The following LDLRAD3 variants were observed in gnomAD, a reference collection of about 807,000 sequenced individuals.
The protein encoded by LDLRAD3 is low density lipoprotein receptor class A domain containing 3.
In LDLRAD3, 20 loss-of-function variants were observed where a neutral mutation model predicts 29.4. The ratio of observed to expected loss-of-function variants is 0.68; its 90% CI spans 0.48 to 0.99. The LOEUF is 0.99. Among genes scored for constraint, LDLRAD3 ranks in the 50% least tolerant of loss-of-function variants. LDLRAD3 has a pLI of 0.00. For missense variants in LDLRAD3, 420 were observed against 454.3 expected (o/e 0.92, Z 0.69); for synonymous variants, 157 against 192.7 (o/e 0.81, Z 1.53).
intron 1 of LDLRAD3, among the ~76,000 whole-genome samples, chr11:35,971,764 G>A (rs1425250136): frequency 3.9e-5 from 6 of 152,182 alleles, no homozygotes; most frequent in African/African-American, 1.2e-4. Context: ...AATATTGTGG[G>A]TATTCAGAAC....
Position 36,042,889 on chromosome 11 carries a change from A to T in LDLRAD3, c.193+6640A>T, listed in dbSNP as rs182079673. Among the ~76,000 whole-genome samples, 13 of 152,348 alleles carry T rather than the reference A, an allele frequency of 8.5e-5. No homozygotes were observed. In the East Asian group the frequency reaches 2.5e-3, roughly 29 times the overall value. On this transcript the variant is annotated intron_variant, in intron 2 of 5. Coordinates refer to ENST00000315571, the MANE Select transcript of LDLRAD3 (RefSeq NM_174902.4). Reference sequence around the variant, plus strand: ...TCAACCCTGCTAACACCTTGATTTCAGACTCCTGGCCATCAGAACTGTGAG... The same window carrying T: ...TCAACCCTGCTAACACCTTGATTTCTGACTCCTGGCCATCAGAACTGTGAG...
chr11:36,054,737 G>GGATGGATGGATA (rs1322080096), intron 2 of LDLRAD3, among the ~76,000 whole-genome samples: 7 of 151,002 alleles, frequency 4.6e-5, no homozygotes, highest in African/African-American at 1.7e-4. Context: ...ATGGATGGAT[G>GGATGGATGGATA]GAAGTATGCA....
At chr11:36,081,271 C>T (rs1853109350) in intron 2 of LDLRAD3, among the ~76,000 whole-genome samples, 1 of 151,944 alleles carries the variant, frequency 6.6e-6, no homozygotes. Context: ...TGAATACTTA[C>T]TGAATGTTGA....
At position 35,944,178 on chromosome 11, in the gene LDLRAD3, G is replaced by A; in HGVS notation, c.46+34G>A. 1.1e-6 allele frequency: 1 copy of A among 928,178 alleles called. No individual in the cohort carries two copies. The highest frequency in any genetic ancestry group is 1.8e-5 in the African/African-American group (1 of 54,938). The allele number at this position is 928,178 out of a possible 1,614,324, so 57.5% of individuals were successfully genotyped here. ...GGGGGCGGCCGGCGAACTTCCCGCG[G>A]GGCGCGGGGCGCGGGGCGCGGGGCG... is the stretch of plus-strand genomic sequence containing the variant. On this transcript the variant is annotated intron_variant, in intron 1 of 5. Transcript: ENST00000315571. This position sits in a 1 kb window ranked among gnomAD's most constrained non-coding sequence, Gnocchi z 4.9.
intron 1 of LDLRAD3, among the ~76,000 whole-genome samples, chr11:36,020,562 A>G (rs1852083061): frequency 6.6e-6 from 1 of 152,222 alleles, no homozygotes. Flanking sequence ...ACATTAGAAC[A>G]CATTCCCTCC....
At chr11:35,991,863 TTGTTTG>T (rs57089973) in intron 1 of LDLRAD3, among the ~76,000 whole-genome samples, 34,037 of 103,776 alleles carry the variant, frequency 0.33, 3,984 homozygotes, top group South Asian at 0.43. Context: ...AATTGAATGG[TTGTTTG>T]TGTGTGTGTG....
chr11:36,151,707 G>C (rs1269726861), intron 4 of LDLRAD3, among the ~76,000 whole-genome samples: 1 of 152,174 alleles, frequency 6.6e-6, no homozygotes, highest in Admixed American at 6.5e-5. Flanking sequence ...CCCCAGTCCT[G>C]TCTAGTGCCA....
chr11:36,154,188 A>G (rs1360937893), intron 4 of LDLRAD3, among the ~76,000 whole-genome samples: 1 of 152,162 alleles, frequency 6.6e-6, no homozygotes, highest in Non-Finnish European at 1.5e-5. Flanking sequence ...AAGAGTCCCA[A>G]TTTTGAGCTC....
chr11:36,015,047 C>G (rs1250561285), intron 1 of LDLRAD3, among the ~76,000 whole-genome samples: 1 of 152,158 alleles, frequency 6.6e-6, no homozygotes, highest in African/African-American at 2.4e-5. Context: ...GTCCCCTACT[C>G]CCTGTTCAGA....
Position 36,066,179 on chromosome 11 carries a change from C to A in LDLRAD3, c.194-15474C>A, listed in dbSNP as rs1393380160. ...CATTTTCTTTTTTTTTTTTTTCTTA[C>A]TTTTTTCTACTGCTTGTTAGGAGTC... is the stretch of plus-strand genomic sequence containing the variant. On this transcript the variant is annotated intron_variant, in intron 2 of 5. Transcript: ENST00000315571. Among the ~76,000 whole-genome samples the A allele has an allele frequency of 5.4e-4, 76 of 142,042 alleles. 3 individuals are homozygous for A. The East Asian group carries it at 0.015, about 29-fold the overall frequency. 93.2% of individuals were successfully genotyped at this position (142,042 alleles called of 152,430 possible). A position where few individuals can be genotyped will look rare whatever the true frequency, so the allele number is the denominator to read the frequency against.
At chr11:36,193,718 T>C (rs535361114) in intron 4 of LDLRAD3, among the ~76,000 whole-genome samples, 1 of 152,304 alleles carries the variant, frequency 6.6e-6, no homozygotes, top group South Asian at 2.1e-4. Context: ...TTTACCCTCC[T>C]CATTCCTTTA....
rs538473947 is a variant in LDLRAD3 at position 36,216,877 on chromosome 11, A to G, written c.455-10208A>G. 1.1e-4 allele frequency among the ~76,000 whole-genome samples: 16 copies of G among 152,376 alleles called. No homozygotes were observed. The South Asian group carries it at 2.1e-3, about 20-fold the overall frequency. On this transcript the variant is annotated intron_variant, in intron 4 of 5. Transcript: ENST00000315571. ...AGGGACCCCATTGCAAGAACAGTAC[A>G]GTGAGGTGACAGATGTTCAGGATAA...
intron 1 of LDLRAD3, chr11:36,009,976 A>G (rs977772633): frequency 2.0e-5 from 3 of 153,560 alleles, no homozygotes; most frequent in Non-Finnish European, 2.9e-5. Context: ...ATTTGAAGGA[A>G]ACTGGTCAGA....
chr11:36,133,207 C>CTTT (rs60402803), intron 4 of LDLRAD3, among the ~76,000 whole-genome samples: 3 of 146,532 alleles, frequency 2.0e-5, no homozygotes, highest in Admixed American at 6.7e-5. Context: ...TTTCTTTTTT[C>CTTT]TTTTTTTTAG....
At chr11:36,111,418 T>C (rs1853603869) in intron 4 of LDLRAD3, among the ~76,000 whole-genome samples, 1 of 152,070 alleles carries the variant, frequency 6.6e-6, no homozygotes, top group African/African-American at 2.4e-5. Context: ...TTATGTCTTT[T>C]TTTTTGGCCC....
chr11:36,200,105 G>C (rs1317353605), intron 4 of LDLRAD3, among the ~76,000 whole-genome samples: 2 of 152,240 alleles, frequency 1.3e-5, no homozygotes, highest in South Asian at 4.2e-4. Context: ...AGGCGGATGT[G>C]TAGTGAGCCA....
At chr11:35,981,646 G>T (rs1851543012) in intron 1 of LDLRAD3, among the ~76,000 whole-genome samples, 2 of 152,174 alleles carry the variant, frequency 1.3e-5, no homozygotes, top group Non-Finnish European at 2.9e-5. Flanking sequence ...AGAAAAGGAA[G>T]TCGATTTCAG....
intron 4 of LDLRAD3, among the ~76,000 whole-genome samples, chr11:36,113,065 AAGAC>A (rs1853627344): frequency 6.6e-6 from 1 of 152,206 alleles, no homozygotes; most frequent in Admixed American, 6.5e-5. Context: ...AAGGTTCAGA[AAGAC>A]AGATATGTGC....
intron 4 of LDLRAD3, among the ~76,000 whole-genome samples, chr11:36,223,157 G>T (rs1283898388): frequency 6.6e-6 from 1 of 152,188 alleles, no homozygotes; most frequent in African/African-American, 2.4e-5. Context: ...CAGCAAAAAC[G>T]AGAGCAGGCA....
Sources: allele counts gnomAD v4.1 joint callset (sites outside exome capture counted in the v4.1 genomes callset), GRCh38; gene constraint gnomAD v4.1.1; non-coding constraint Gnocchi (gnomAD v3.1); transcripts MANE v1.5; gene names NCBI Gene and HGNC (gene_info 2026-07-23, HGNC 2026-07-21).